Variants in IL23R observed in about 807,000 individuals in gnomAD.
IL23R encodes interleukin 23 receptor.
In IL23R, 34 loss-of-function variants were observed where a neutral mutation model predicts 56.9. The observed-to-expected ratio is 0.60, with a 90% CI of 0.45 to 0.80. IL23R has a LOEUF of 0.80. IL23R is among the 30% of genes least tolerant of loss of function. The pLI is 0.00. For synonymous variants in IL23R, 230 were observed against 249.2 expected (o/e 0.92, Z 0.73); for missense variants, 635 against 730.0 (o/e 0.87, Z 1.50).
chr1:67,249,108 A>G (rs560942573), intron 9 of IL23R, among the ~76,000 whole-genome samples: 119 of 152,324 alleles, frequency 7.8e-4, no homozygotes, highest in African/African-American at 2.8e-3. Context: ...GTTCCTATTC[A>G]GCCACCTTGC....
At chr1:67,153,852 G>A (rs1036283892) in intron 1 of IL23R, among the ~76,000 whole-genome samples, 5 of 151,812 alleles carry the variant, frequency 3.3e-5, no homozygotes, top group African/African-American at 1.2e-4. Flanking sequence ...TGCAAGCTCC[G>A]CCTCCCAGGT....
At chr1:67,217,654 G>A (rs952251055) in intron 6 of IL23R, among the ~76,000 whole-genome samples, 1 of 150,852 alleles carries the variant, frequency 6.6e-6, no homozygotes. Context: ...AAAATTTCCA[G>A]GGCCATGAAT....
At chr1:67,232,375 T>A (rs1254180657) in intron 7 of IL23R, among the ~76,000 whole-genome samples, 1 of 152,096 alleles carries the variant, frequency 6.6e-6, no homozygotes, top group Non-Finnish European at 1.5e-5. Flanking sequence ...GAGTCCTCAG[T>A]GGAGCAATGC....
intron 1 of IL23R, among the ~76,000 whole-genome samples, chr1:67,147,588 T>G (rs1382137455): frequency 6.6e-6 from 1 of 151,940 alleles, no homozygotes; most frequent in Non-Finnish European, 1.5e-5. Context: ...TAATCCCAGC[T>G]ACTCAGGAGG....
At chr1:67,174,166 T>G (rs1351432108) in intron 3 of IL23R, among the ~76,000 whole-genome samples, 1 of 152,126 alleles carries the variant, frequency 6.6e-6, no homozygotes, top group Admixed American at 6.6e-5. Flanking sequence ...TAAGGATGCA[T>G]TCTTAGATGT....
At chr1:67,262,690 T>G (rs1327342786), downstream of IL23R, among the ~76,000 whole-genome samples, 5 of 152,206 alleles carry the variant, frequency 3.3e-5, no homozygotes, top group Non-Finnish European at 7.3e-5. Context: ...CTATTCATCT[T>G]TCTATCTAGC....
chr1:67,171,379 T>G (rs1029165870), intron 3 of IL23R, among the ~76,000 whole-genome samples: 3 of 152,194 alleles, frequency 2.0e-5, no homozygotes, highest in African/African-American at 7.2e-5. Context: ...AACTGATATG[T>G]GCTCTGAGTG....
intron 4 of IL23R, among the ~76,000 whole-genome samples, chr1:67,192,984 T>C (rs1647861563): frequency 6.6e-6 from 1 of 152,176 alleles, no homozygotes; most frequent in South Asian, 2.1e-4. Context: ...CCTCAAGGAC[T>C]CTATGTGACC....
At chr1:67,182,069 C>T (rs1647153063) in intron 3 of IL23R, among the ~76,000 whole-genome samples, 1 of 152,210 alleles carries the variant, frequency 6.6e-6, no homozygotes, top group African/African-American at 2.4e-5. Flanking sequence ...AGTTAGGCTA[C>T]TCAGAGGTCA....
rs1650299705 is a variant in IL23R, at chr1:67,222,102, C to CCTT, written c.955+2372_955+2373insCTT. On this transcript the variant is annotated intron_variant, in intron 7 of 10. Transcript: ENST00000347310. Reference sequence around the variant, plus strand: ...TCCTTTTCTCTTTCTTTCTTTCTTTCTTTTTTTTTTTTTTTTTTTTTTTTT... The same window carrying CCTT: ...TCCTTTTCTCTTTCTTTCTTTCTTTCCTTTTTTTTTTTTTTTTTTTTTTTTTTT... Among the ~76,000 whole-genome samples the CCTT allele has an allele frequency of 1.2e-4, 7 of 58,898 alleles. No homozygotes were observed. The South Asian group carries it at 6.4e-3, about 54-fold the overall frequency. The allele number at this position is 58,898 out of a possible 152,430, so 38.6% of individuals were successfully genotyped here.
intron 1 of IL23R, among the ~76,000 whole-genome samples, chr1:67,144,417 G>C (rs924998545): frequency 1.3e-5 from 2 of 152,236 alleles, no homozygotes; most frequent in Non-Finnish European, 2.9e-5. Flanking sequence ...TAATTCAAAT[G>C]TTGACAAAAA....
At position 67,190,679 on chromosome 1, in the gene IL23R, A is replaced by G. The variant is rs115997162; in HGVS notation, c.491+7720A>G. Among the ~76,000 whole-genome samples the G allele has an allele frequency of 2.3e-3, 353 of 152,344 alleles. 2 individuals carry two copies. The highest frequency in any genetic ancestry group is 8.2e-3 in the African/African-American group (340 of 41,576). On this transcript the variant is annotated intron_variant, in intron 4 of 10. Transcript: ENST00000347310. ...TATTTAGCATTTGATGGTTTCCTGG[A>G]ATTGTATTAAACTGTAGATATTTAA...
chr1:67,169,237 ATT>A, intron 2 of IL23R, 103 bp from the exon 3 acceptor site: 1 of 867,162 alleles, frequency 1.2e-6, no homozygotes, highest in Non-Finnish European at 1.8e-6. Context: ...CAATGGAATC[ATT>A]TAGTTAATAG....
intron 1 of IL23R, among the ~76,000 whole-genome samples, chr1:67,160,233 C>G (rs1378156671): frequency 1.3e-5 from 2 of 152,110 alleles, no homozygotes; most frequent in African/African-American, 4.8e-5. Flanking sequence ...CTTTGAGAAG[C>G]TGACAATTGT....
intron 6 of IL23R, among the ~76,000 whole-genome samples, chr1:67,213,643 T>C (rs1267439889): frequency 6.6e-6 from 1 of 152,218 alleles, no homozygotes; most frequent in Non-Finnish European, 1.5e-5. Context: ...TACAGTAACA[T>C]GCTTTATAGG....
chr1:67,168,064 T>G (rs1448062261), intron 1 of IL23R, 28 bp from the exon 2 acceptor site: 1 of 1,219,760 alleles, frequency 8.2e-7, no homozygotes, highest in Non-Finnish European at 1.2e-6. Flanking sequence ...ATACTACAAT[T>G]TAAACATTTT....
chr1:67,210,739 C>T (rs571979707), intron 6 of IL23R, among the ~76,000 whole-genome samples: 1 of 152,168 alleles, frequency 6.6e-6, no homozygotes, highest in Non-Finnish European at 1.5e-5. Flanking sequence ...TCCCAAAGTG[C>T]TAGGATTACA....
Position 67,233,195 on chromosome 1 carries a change from C to CAAAAAAAAAAAAAA in IL23R, c.956-3507_956-3494dup. Among the ~76,000 whole-genome samples the CAAAAAAAAAAAAAA allele has an allele frequency of 5.6e-5, 3 of 53,634 alleles. 1 individual carries two copies. Among genetic ancestry groups the CAAAAAAAAAAAAAA allele is most frequent in the Non-Finnish European group, 9.7e-5 (3 of 30,954 alleles). The allele number at this position is 53,634 out of a possible 152,430, so 35.2% of individuals were successfully genotyped here. A position where few individuals can be genotyped will look rare whatever the true frequency, so the allele number is the denominator to read the frequency against. On this transcript the variant is annotated intron_variant, in intron 7 of 10. Transcript: ENST00000347310. ...GAAATCCTGTCTCTACTAAAAATTC[C>CAAAAAAAAAAAAAA]AAAAAAAAAAAAAAAAAAAAAAAAG...
At chr1:67,176,617 G>A (rs1300526620) in intron 3 of IL23R, among the ~76,000 whole-genome samples, 2 of 151,964 alleles carry the variant, frequency 1.3e-5, no homozygotes, top group African/African-American at 4.8e-5. Flanking sequence ...TCTGGCCAGT[G>A]ACTTTTTATT....
Sources: gnomAD v4.1 joint callset for allele counts (sites outside exome capture counted in the v4.1 genomes callset) on GRCh38, gnomAD v4.1.1 for gene constraint, MANE v1.5 for transcripts, NCBI Gene and HGNC (gene_info 2026-07-23, HGNC 2026-07-21) for gene names.